The following GABRQ variants were observed in gnomAD, a reference collection of about 807,000 sequenced individuals.
GABRQ encodes the protein gamma-aminobutyric acid receptor subunit theta.
A neutral mutation model predicts 30.5 loss-of-function variants in GABRQ; 19 were observed. The ratio of observed to expected loss-of-function variants is 0.62; its 90% CI spans 0.43 to 0.91. The LOEUF is 0.91. Among genes scored for constraint, GABRQ ranks in the 40% least tolerant of loss-of-function variants. The pLI, the probability that GABRQ is intolerant of heterozygous loss-of-function variation, is 0.00. For missense variants in GABRQ, 520 were observed against 521.4 expected (o/e 1.00, Z 0.03); for synonymous variants, 187 against 210.2 (o/e 0.89, Z 0.95).
intron 4 of GABRQ, among the ~76,000 whole-genome samples, chrX:152,647,839 C>T (rs968673746): frequency 1.4e-4 from 16 of 111,908 alleles, no homozygotes; most frequent in Admixed American, 1.0e-3. Flanking sequence ...TCTCCAAAGA[C>T]GTGTGTAAGA....
intron 1 of GABRQ, among the ~76,000 whole-genome samples, chrX:152,639,374 G>T (rs1556817941): frequency 1.1e-5 from 1 of 87,275 alleles, no homozygotes; most frequent in Non-Finnish European, 2.1e-5. Context: ...ACACATGCGC[G>T]TGCGCACACA....
chrX:152,647,196 C>T (rs1556819374), intron 4 of GABRQ, 28 bp downstream of exon 4: 2 of 1,020,390 alleles, frequency 2.0e-6, no homozygotes, highest in South Asian at 3.9e-5. Flanking sequence ...CTGGGGATGT[C>T]CCAGCAGACT....
Position 152,653,200 on chromosome X carries a change from G to A in GABRQ, c.1818G>A (p.Lys606=). 1 of 1,208,002 alleles carries A rather than the reference G, an allele frequency of 8.3e-7. No individual in the cohort carries two copies. Among genetic ancestry groups the A allele is most frequent in the African/African-American group, 1.7e-5 (1 of 57,669 alleles). ...FDLFNPDYVP[K]VDKWSRFLFP... The stretch of plus-strand genomic sequence containing the variant: ...TCTTTAATCCTGACTACGTCCCAAA[G>A]GTCGACAAGTGGTCCCGGTTCCTCT... Residue 606 remains lysine, a synonymous_variant, in exon 9 of 9, where the codon AAG becomes AAA. Coordinates refer to ENST00000598523, the MANE Select transcript of GABRQ (RefSeq NM_018558.4).
intron 2 of GABRQ, among the ~76,000 whole-genome samples, chrX:152,645,241 A>C (rs1035386735): frequency 1.5e-4 from 17 of 112,259 alleles, no homozygotes; most frequent in Non-Finnish European, 3.2e-4. Flanking sequence ...TATCAGGAAA[A>C]TGTTTAGAAG....
chrX:152,646,000 T>C (rs1930878968), intron 3 of GABRQ, among the ~76,000 whole-genome samples: 1 of 112,582 alleles, frequency 8.9e-6, no homozygotes, highest in African/African-American at 3.2e-5. Context: ...AAAACCATTA[T>C]AACAAGTGTG....
At chrX:152,638,868 A>G (rs1930679447) in intron 1 of GABRQ, among the ~76,000 whole-genome samples, 1 of 111,729 alleles carries the variant, frequency 9.0e-6, no homozygotes, top group African/African-American at 3.3e-5. Flanking sequence ...AATGCGGCAG[A>G]TAGAAATGAT....
In GABRQ at chrX:152,649,252, C is replaced by T. The variant is rs782585629; in HGVS notation, c.529C>T (p.Leu177Phe). ...PDGTVRYGIR[L>F]TTTAACSLDL... ...CTTCCTTTTTGTTTTCCTTTGCAGA[C>T]TCACCACTACAGCAGCTTGTTCCCT... The change falls in exon 5 of 9, where the codon CTC becomes TTC. Residue 177 changes from leucine to phenylalanine, a missense_variant and splice_region_variant. By Grantham distance (22) the Leu-to-Phe change is conservative (BLOSUM62 0). Transcript: ENST00000598523. The T allele has an allele frequency of 6.0e-6, 7 of 1,173,045 alleles. No homozygotes were observed. The highest frequency in any genetic ancestry group is 7.0e-6 in the Non-Finnish European group (6 of 860,242).
chrX:152,652,835 C>A lies in GABRQ; in HGVS notation c.1453C>A (p.Arg485Ser). Residue 485 changes from arginine (R) to serine (S), a missense_variant, in exon 9 of 9, where the codon CGT becomes AGT. Physicochemically the swap from Arg to Ser is moderately radical, Grantham distance 110. Transcript: ENST00000598523. ...DSIIPTEIRN[R>S]VEAHGHGVTH... is the part of the protein sequence containing the mutation. ...TATTATTCCTACCGAAATCCGCAACCGTGTCGAAGCCCATGGCCATGGTGT... is the reference window on the plus strand; with the variant it reads ...TATTATTCCTACCGAAATCCGCAACAGTGTCGAAGCCCATGGCCATGGTGT... 4 of 1,210,176 alleles carry A rather than the reference C, an allele frequency of 3.3e-6. No homozygotes were observed. The highest frequency in any genetic ancestry group is 4.5e-6 in the Non-Finnish European group (4 of 893,849).
At chrX:152,658,782 G>A (rs1028709378), downstream of GABRQ, among the ~76,000 whole-genome samples, 8 of 111,897 alleles carry the variant, frequency 7.1e-5, no homozygotes, top group African/African-American at 2.0e-4. Context: ...TCTGCCTCTC[G>A]GAGCATAACA....
In GABRQ at chrX:152,655,717, G is replaced by A. The variant is rs782112948; in HGVS notation, c.*2436G>A. On this transcript the variant is annotated 3_prime_UTR_variant, in exon 9 of 9. Transcript: ENST00000598523. ...GTGGCTATTGAAAGGCTGGCTTCCT[G>A]GAGCCTAAGCATTGGTTGGTTGACG... The A allele has an allele frequency of 8.9e-6, 1 of 112,357 alleles. No homozygotes were observed. The highest frequency in any genetic ancestry group is 3.7e-4 in the South Asian group (1 of 2,713). The allele number at this position is 112,357 out of a possible 1,213,427, so 9.3% of individuals were successfully genotyped here.
intron 4 of GABRQ, among the ~76,000 whole-genome samples, chrX:152,648,365 A>T (rs868957611): frequency 1.9e-3 from 182 of 94,686 alleles, no homozygotes; most frequent in Non-Finnish European, 3.0e-3. Context: ...TTTTATTTTT[A>T]TTTTTTTTTT....
rs74350629 is a variant in GABRQ at position 152,651,657 on chromosome X, G to A, written c.1033G>A (p.Glu345Lys). 2 of 1,210,906 alleles carry A rather than the reference G, an allele frequency of 1.7e-6. No homozygotes were observed. Among genetic ancestry groups the A allele is most frequent in the Non-Finnish European group, 2.2e-6 (2 of 894,479 alleles). ...CLFFVFLSLL[E>K]YVYINYLFYS... ...GTTCTTTGTGTTCCTGTCCTTGCTG[G>A]AGTATGTCTACATCAACTATCTTTT... The change falls in exon 8 of 9, where the codon GAG becomes AAG. Residue 345 changes from glutamate to lysine, a missense_variant. Coordinates refer to ENST00000598523, the MANE Select transcript of GABRQ (RefSeq NM_018558.4).
chrX:152,653,291 G>A lies in GABRQ; in HGVS notation c.*10G>A. On this transcript the variant is annotated 3_prime_UTR_variant, in exon 9 of 9. Coordinates refer to ENST00000598523, the MANE Select transcript of GABRQ (RefSeq NM_018558.4). Reference sequence around the variant, plus strand: ...ATACCATATGTATTAGTCCCCCAGTGCTCCAGAACAGCGGGAGCACTGTGC... The same window carrying A: ...ATACCATATGTATTAGTCCCCCAGTACTCCAGAACAGCGGGAGCACTGTGC... 1.7e-6 allele frequency: 2 copies of A among 1,163,037 alleles called. No homozygotes were observed. Among genetic ancestry groups the A allele is most frequent in the Middle Eastern group, 2.7e-4 (1 of 3,650 alleles).
Position 152,645,569 on chromosome X carries a change from T to C in GABRQ, c.281T>C (p.Ile94Thr). The C allele has an allele frequency of 1.8e-6, 2 of 1,137,643 alleles. No individual in the cohort carries two copies. The highest frequency in any genetic ancestry group is 2.4e-6 in the Non-Finnish European group (2 of 828,159). The allele number at this position is 1,137,643 out of a possible 1,213,427, so 93.8% of individuals were successfully genotyped here. ...AGAATATCTATTTATGTCACGAGCATTGAACAGATCTCAGAAATGAATATG... is the reference window on the plus strand; with the variant it reads ...AGAATATCTATTTATGTCACGAGCACTGAACAGATCTCAGAAATGAATATG... The part of the protein sequence containing the change: ...PVRISIYVTS[I>T]EQISEMNMDY... The change falls in exon 3 of 9, where the codon ATT becomes ACT. Residue 94 changes from isoleucine to threonine, a missense_variant. Physicochemically the swap from Ile to Thr is moderately conservative, Grantham distance 89. Coordinates refer to ENST00000598523, the MANE Select transcript of GABRQ (RefSeq NM_018558.4).
chrX:152,638,325 C>G lies in GABRQ; in HGVS notation c.123C>G (p.Pro41=), dbSNP rs782201190. The change falls in exon 1 of 9, where the codon CCC becomes CCG. Residue 41 remains proline (P), a synonymous_variant. Coordinates refer to ENST00000598523, the MANE Select transcript of GABRQ (RefSeq NM_018558.4). The part of the protein sequence containing the change: ...KFHFEFSSAV[P]EVVLNLFNCK... ...ACTTCGAGTTCTCCTCTGCTGTGCC[C>G]GAAGTCGTCCTGAACCTCTTCAACT... is the stretch of plus-strand genomic sequence containing the variant. 8.3e-7 allele frequency: 1 copy of G among 1,211,711 alleles called. No individual in the cohort carries two copies. Among genetic ancestry groups the G allele is most frequent in the South Asian group, 1.8e-5 (1 of 57,015 alleles).
At position 152,640,362 on chromosome X, in the gene GABRQ, G is replaced by T; in HGVS notation, c.150-16G>T. ...CCCAAGTCAACCGGCATTTACTTAT[G>T]ACTTCTCTGTTTCAGCAAAAATTGT... On this transcript the variant is annotated splice_polypyrimidine_tract_variant and intron_variant, in intron 1 of 8. Coordinates refer to ENST00000598523, the MANE Select transcript of GABRQ (RefSeq NM_018558.4). The T allele has an allele frequency of 8.8e-7, 1 of 1,137,190 alleles. No individual in the cohort carries two copies. Among genetic ancestry groups the T allele is most frequent in the South Asian group, 1.8e-5 (1 of 55,381 alleles). 93.7% of individuals were successfully genotyped at this position (1,137,190 alleles called of 1,213,427 possible).
In GABRQ at chrX:152,653,529, T is replaced by C. The variant is rs1931086619; in HGVS notation, c.*248T>C. On this transcript the variant is annotated 3_prime_UTR_variant, in exon 9 of 9. Transcript: ENST00000598523. ...TGGATTTCCTTTCCTGCTAGAAGAC[T>C]CTCACCTTTTCAAAGACTTGTAACA... 3.1e-6 allele frequency: 1 copy of C among 326,883 alleles called. No homozygotes were observed. Among genetic ancestry groups the C allele is most frequent in the Non-Finnish European group, 5.3e-6 (1 of 189,616 alleles). The allele number at this position is 326,883 out of a possible 1,213,427, so 26.9% of individuals were successfully genotyped here.
At position 152,656,364 on chromosome X, in the gene GABRQ, T is replaced by A. The variant is rs1047300762; in HGVS notation, c.*3083T>A. 1.3e-4 allele frequency: 15 copies of A among 111,534 alleles called. No individual in the cohort carries two copies. The highest frequency in any genetic ancestry group is 4.9e-4 in the African/African-American group (15 of 30,570). 9.2% of individuals were successfully genotyped at this position (111,534 alleles called of 1,213,427 possible). ...GCAGCATCTGGGATGCAACAACCCC[T>A]ATTTTACTCTTCTACCCACCTTCCA... On this transcript the variant is annotated 3_prime_UTR_variant, in exon 9 of 9. Coordinates refer to ENST00000598523, the MANE Select transcript of GABRQ (RefSeq NM_018558.4).
At chrX:152,638,397 G>C (rs5970355) in intron 1 of GABRQ, 46 bp downstream of exon 1, 2 of 1,151,090 alleles carry the variant, frequency 1.7e-6, no homozygotes, top group South Asian at 3.7e-5. Flanking sequence ...CGGGAATGGA[G>C]ACGGGCAGAC....
Sources: allele counts gnomAD v4.1 joint callset (sites outside exome capture counted in the v4.1 genomes callset), GRCh38; gene constraint gnomAD v4.1.1; transcripts MANE v1.5; gene names NCBI Gene and HGNC (gene_info 2026-07-23, HGNC 2026-07-21).